Variants in NSUN6 observed in about 807,000 individuals in gnomAD.
The protein encoded by NSUN6 is NOP2/Sun RNA methyltransferase 6, also known as tRNA (cytosine(72)-C(5))-methyltransferase NSUN6.
NSUN6 carries 64 observed loss-of-function variants against 58.0 expected under a neutral mutation model. The ratio of observed to expected loss-of-function variants is 1.10; its 90% confidence interval spans 0.90 to 1.36. The LOEUF (loss-of-function observed/expected upper bound fraction) is 1.36, where lower values mean the gene tolerates loss of function less well. Among genes scored for constraint, NSUN6 ranks in the 40% most tolerant of loss-of-function variants. The pLI is 0.00. For missense variants in NSUN6, 701 were observed against 550.1 expected (o/e 1.27, Z -2.74); for synonymous variants, 231 against 193.9 (o/e 1.19, Z -1.59).
chr10:18,546,292 A>C (rs907519555), intron 10 of NSUN6, 147 bp from the exon 11 acceptor site: 31 of 683,016 alleles, frequency 4.5e-5, no homozygotes, highest in Non-Finnish European at 7.9e-6. Context: ...ATTTTGGTGG[A>C]ACATACGTGC....
chr10:18,611,493 G>A (rs1442501137), intron 5 of NSUN6, among the ~76,000 whole-genome samples: 4 of 152,038 alleles, frequency 2.6e-5, no homozygotes, highest in Non-Finnish European at 1.5e-5. Flanking sequence ...TTACTGAAAT[G>A]GTATGACTAT....
intron 3 of NSUN6, among the ~76,000 whole-genome samples, chr10:18,629,673 G>A (rs1316067535): frequency 6.6e-6 from 1 of 151,740 alleles, no homozygotes; most frequent in African/African-American, 2.4e-5. Flanking sequence ...TTACATAATG[G>A]TAAAGGGATC....
intron 8 of NSUN6, among the ~76,000 whole-genome samples, chr10:18,557,615 G>T (rs546442764): frequency 6.7e-6 from 1 of 150,268 alleles, no homozygotes; most frequent in African/African-American, 2.4e-5. Flanking sequence ...GGATTGGAAC[G>T]GAGAATGGAA....
chr10:18,559,709 GAATGAAATGGAATGGAC>G lies in NSUN6; in HGVS notation c.923-7755_923-7739del, dbSNP rs1475622859. Among the ~76,000 whole-genome samples the G allele has an allele frequency of 2.6e-3, 398 of 150,846 alleles. 2 individuals carry two copies. Among genetic ancestry groups the G allele is most frequent in the African/African-American group, 8.8e-3 (362 of 40,986 alleles). Reference sequence around the variant, plus strand: ...GCATTGGAATATGGAATGCAATGAAGAATGAAATGGAATGGACAATGGAATGGAATGGACAATGGAGT... The same window carrying G: ...GCATTGGAATATGGAATGCAATGAAGAATGGAATGGAATGGACAATGGAGT... On this transcript the variant is annotated intron_variant, in intron 8 of 10. Transcript: ENST00000377304.
intron 8 of NSUN6, among the ~76,000 whole-genome samples, chr10:18,565,664 A>ACATTC (rs1412360119): frequency 1.4e-5 from 2 of 146,328 alleles, no homozygotes; most frequent in Non-Finnish European, 3.0e-5. Flanking sequence ...ATTTTCCACT[A>ACATTC]CATTCCATTC....
intron 5 of NSUN6, among the ~76,000 whole-genome samples, chr10:18,610,451 A>G (rs527734770): frequency 4.5e-4 from 69 of 152,384 alleles, no homozygotes; most frequent in African/African-American, 1.7e-3. Context: ...CAGAACTAAA[A>G]AGGAAAAAGT....
Position 18,547,994 on chromosome 10 carries a change from T to G in NSUN6, c.1197+118A>C, listed in dbSNP as rs2054385184. The G allele has an allele frequency of 5.1e-6, 5 of 971,236 alleles. No individual in the cohort carries two copies. The South Asian group carries it at 8.5e-5, about 16-fold the overall frequency. The allele number at this position is 971,236 out of a possible 1,614,324, so 60.2% of individuals were successfully genotyped here. On this transcript the variant is annotated intron_variant, in intron 10 of 10. Transcript: ENST00000377304. ...GATTTAATTAGATAAGCATTCTTGTTTATTACAGTGTTCACTTTGGAAGTT... is the reference window on the plus strand; with the variant it reads ...GATTTAATTAGATAAGCATTCTTGTGTATTACAGTGTTCACTTTGGAAGTT...
At chr10:18,646,538 T>C (rs2059551550) in intron 2 of NSUN6, among the ~76,000 whole-genome samples, 1 of 106,280 alleles carries the variant, frequency 9.4e-6, no homozygotes, top group South Asian at 3.9e-4. Flanking sequence ...TGGAAATCAT[T>C]TGTTGTGGAA....
rs770317047 is a variant in NSUN6 at position 18,595,026 on chromosome 10, C to G, written c.777+1182G>C. Among the ~76,000 whole-genome samples the G allele has an allele frequency of 8.5e-5, 13 of 152,326 alleles. No homozygotes were observed. In the South Asian group the frequency reaches 2.3e-3, roughly 27 times the overall value. ...GCTGGGCCAGCCTGCTGGTCCCAAT[C>G]AGGGGAGAACTTACACATCGGCCAG... is the stretch of plus-strand genomic sequence containing the variant. On this transcript the variant is annotated intron_variant, in intron 7 of 10. Coordinates refer to ENST00000377304, the MANE Select transcript of NSUN6 (RefSeq NM_182543.5).
chr10:18,565,675 C>T (rs1394268247), intron 8 of NSUN6, among the ~76,000 whole-genome samples: 1 of 150,878 alleles, frequency 6.6e-6, no homozygotes, highest in African/African-American at 2.4e-5. Context: ...CATTCCATTC[C>T]ATTCTTCCTT....
chr10:18,632,757 C>T (rs375419887), intron 3 of NSUN6, among the ~76,000 whole-genome samples: 22 of 152,252 alleles, frequency 1.4e-4, no homozygotes, highest in South Asian at 6.2e-4. Context: ...CAGGAAACAA[C>T]AGGTGCTGGA....
chr10:18,578,049 A>T (rs941247608), intron 8 of NSUN6, among the ~76,000 whole-genome samples: 2 of 152,156 alleles, frequency 1.3e-5, no homozygotes, highest in African/African-American at 4.8e-5. Context: ...GCTGAGAAGT[A>T]AAAAAGAAAA....
intron 7 of NSUN6, among the ~76,000 whole-genome samples, chr10:18,591,520 AC>A (rs1484096870): frequency 6.6e-6 from 1 of 152,128 alleles, no homozygotes; most frequent in East Asian, 1.9e-4. Flanking sequence ...AAGCTTATCC[AC>A]CACAATCAAG....
At chr10:18,556,672 T>G (rs2133465557) in intron 8 of NSUN6, among the ~76,000 whole-genome samples, 1 of 140,392 alleles carries the variant, frequency 7.1e-6, no homozygotes, top group Admixed American at 7.2e-5. Context: ...TGGAATAGAA[T>G]GGGGAATTGA....
rs373546856 is a variant in NSUN6, at chr10:18,614,649, T to C, written c.422-36A>G. 42 of 1,121,366 alleles carry C rather than the reference T, an allele frequency of 3.7e-5. No individual in the cohort carries two copies. The African/African-American group carries it at 5.6e-4, about 15-fold the overall frequency. The allele number at this position is 1,121,366 out of a possible 1,614,324, so 69.5% of individuals were successfully genotyped here. A position where few individuals can be genotyped will look rare whatever the true frequency, so the allele number is the denominator to read the frequency against. Reference sequence around the variant, plus strand: ...AAGAAAATCAGATTACACTGATTTATACTTTGGCAGAAGAATCGTGAAAAT... The same window carrying C: ...AAGAAAATCAGATTACACTGATTTACACTTTGGCAGAAGAATCGTGAAAAT... On this transcript the variant is annotated intron_variant, in intron 4 of 10. Transcript: ENST00000377304.
At chr10:18,575,254 TA>T (rs2056593086) in intron 8 of NSUN6, among the ~76,000 whole-genome samples, 3 of 152,148 alleles carry the variant, frequency 2.0e-5, no homozygotes, top group Non-Finnish European at 4.4e-5. Context: ...GCTTAGTATA[TA>T]AGAAAACTAA....
At chr10:18,614,669 GAA>G (rs958776313) in intron 4 of NSUN6, 56 bp from the exon 5 acceptor site, 1 of 969,130 alleles carries the variant, frequency 1.0e-6, no homozygotes, top group African/African-American at 1.7e-5. Flanking sequence ...GAAGAATCGT[GAA>G]AATTATTTGA....
intron 5 of NSUN6, among the ~76,000 whole-genome samples, chr10:18,613,623 T>A (rs1041095369): frequency 2.6e-5 from 4 of 152,208 alleles, no homozygotes; most frequent in African/African-American, 9.6e-5. Flanking sequence ...ATCTTTATAT[T>A]CATGAAGCCT....
At chr10:18,628,649 G>A in intron 3 of NSUN6, among the ~76,000 whole-genome samples, 1 of 152,162 alleles carries the variant, frequency 6.6e-6, no homozygotes, top group East Asian at 1.9e-4. Context: ...GGAAGAAAGG[G>A]TATCAGCGAT....
Sources: gnomAD v4.1 joint callset for allele counts (sites outside exome capture counted in the v4.1 genomes callset) on GRCh38, gnomAD v4.1.1 for gene constraint, MANE v1.5 for transcripts, NCBI Gene and HGNC (gene_info 2026-07-23, HGNC 2026-07-21) for gene names.